The following CNRIP1 variants were observed in gnomAD, a reference collection of about 807,000 sequenced individuals.
CNRIP1 encodes cannabinoid receptor interacting protein 1, also known as CB1 cannabinoid receptor-interacting protein 1.
A neutral mutation model predicts 15.2 loss-of-function variants in CNRIP1; 10 were observed. The observed-to-expected ratio is 0.66, with a 90% CI of 0.41 to 1.12. CNRIP1 has a LOEUF of 1.12. Ranked by LOEUF, CNRIP1 falls within the 50% of genes most tolerant of loss-of-function variation. The probability of loss-of-function intolerance (pLI) is 0.00; values close to 1 mark genes in which losing one functional copy is unlikely to be tolerated. For synonymous variants in CNRIP1, 91 were observed against 83.2 expected (o/e 1.09, Z -0.51); for missense variants, 211 against 214.7 (o/e 0.98, Z 0.11).
rs1244183798 is a variant in CNRIP1, at chr2:68,317,017, T to C, written c.330+140A>G. ...AAGTAGTTCTCTCTCCAGCAGATGC[T>C]TGAAGGAAATCCACAACTCAATTTC... On this transcript the variant is annotated intron_variant, in intron 2 of 2. Transcript: ENST00000263655. 9.0e-5 allele frequency: 94 copies of C among 1,041,488 alleles called. 1 individual carries two copies. In the Admixed American group the frequency reaches 1.6e-3, roughly 18 times the overall value. The allele number at this position is 1,041,488 out of a possible 1,614,324, so 64.5% of individuals were successfully genotyped here. A position where few individuals can be genotyped will look rare whatever the true frequency, so the allele number is the denominator to read the frequency against.
At chr2:68,305,312 G>GTGTGTA (rs1285507186) in intron 2 of CNRIP1, among the ~76,000 whole-genome samples, 5 of 129,096 alleles carry the variant, frequency 3.9e-5, no homozygotes, top group African/African-American at 1.5e-4. Context: ...GTGTGTGTGT[G>GTGTGTA]TACATATAAA....
intron 2 of CNRIP1, among the ~76,000 whole-genome samples, chr2:68,308,204 AC>A (rs1292678735): frequency 2.0e-5 from 3 of 151,438 alleles, no homozygotes; most frequent in African/African-American, 7.3e-5. Flanking sequence ...TATTAAAAAA[AC>A]AAAACAAAAC....
intron 2 of CNRIP1, among the ~76,000 whole-genome samples, chr2:68,311,101 G>C (rs920310065): frequency 3.9e-5 from 6 of 152,004 alleles, no homozygotes; most frequent in Admixed American, 6.5e-5. Flanking sequence ...AGAAAGGAGA[G>C]AATGAAGTAT....
Position 68,319,476 on chromosome 2 carries a change from G to T in CNRIP1, c.-76C>A. ...GGCTGCGGCCGAGTGGCTGGAGCGC[G>T]AGGGGCGGAGAGGAAGCGCGGGGAG... On this transcript the variant is annotated 5_prime_UTR_variant, in exon 1 of 3. Coordinates refer to ENST00000263655, the MANE Select transcript of CNRIP1 (RefSeq NM_015463.3). 2.9e-6 allele frequency: 4 copies of T among 1,375,354 alleles called. No individual in the cohort carries two copies. Among genetic ancestry groups the T allele is most frequent in the South Asian group, 1.5e-5 (1 of 66,806 alleles). 85.2% of individuals were successfully genotyped at this position (1,375,354 alleles called of 1,614,324 possible).
At chr2:68,301,113 C>T (rs1216061293) in intron 2 of CNRIP1, among the ~76,000 whole-genome samples, 3 of 152,182 alleles carry the variant, frequency 2.0e-5, no homozygotes, top group Non-Finnish European at 4.4e-5. Flanking sequence ...ACAGATTCCT[C>T]ATGGGCATAT....
chr2:68,317,914 T>C (rs377353395), intron 1 of CNRIP1, among the ~76,000 whole-genome samples: 12 of 152,088 alleles, frequency 7.9e-5, no homozygotes, highest in African/African-American at 2.9e-4. Context: ...AGGATTAGAG[T>C]TGAGAAATCC....
At position 68,317,260 on chromosome 2, in the gene CNRIP1, T is replaced by G; in HGVS notation, c.227A>C (p.Lys76Thr). The part of the protein sequence containing the change: ...GVLVPLELKS[K>T]EPDGDRVVYT... ...AACAACTCTGTCCCCATCAGGCTCT[T>G]TAGACTTCAGTTCCAGTGGGACAAG... The change falls in exon 2 of 3, where the codon AAA becomes ACA. Residue 76 changes from lysine to threonine, a missense_variant. Transcript: ENST00000263655. 2 of 1,614,176 alleles carry G rather than the reference T, an allele frequency of 1.2e-6. No homozygotes were observed. Among genetic ancestry groups the G allele is most frequent in the Non-Finnish European group, 1.7e-6 (2 of 1,180,016 alleles).
Position 68,293,105 on chromosome 2 carries a change from A to G in CNRIP1, c.*757T>C, listed in dbSNP as rs1465307971. 4 of 985,364 alleles carry G rather than the reference A, an allele frequency of 4.1e-6. No homozygotes were observed. Among genetic ancestry groups the G allele is most frequent in the Non-Finnish European group, 4.8e-6 (4 of 829,950 alleles). The allele number at this position is 985,364 out of a possible 1,614,324, so 61.0% of individuals were successfully genotyped here. Reference sequence around the variant, plus strand: ...AAGTGAAGAAGACTGTAGGGATGCCATCAATGTGCGTGTCTGAAGACTATG... The same window carrying G: ...AAGTGAAGAAGACTGTAGGGATGCCGTCAATGTGCGTGTCTGAAGACTATG... On this transcript the variant is annotated 3_prime_UTR_variant, in exon 3 of 3. Transcript: ENST00000263655.
chr2:68,288,138 C>T (rs919837189), downstream of CNRIP1, among the ~76,000 whole-genome samples: 1 of 151,972 alleles, frequency 6.6e-6, no homozygotes, highest in Non-Finnish European at 1.5e-5. Flanking sequence ...AGCTCATTTT[C>T]CCTGAGTCAG....
chr2:68,318,022 A>G lies in CNRIP1; in HGVS notation c.180-715T>C, dbSNP rs543900911. Among the ~76,000 whole-genome samples, 28 of 152,252 alleles carry G rather than the reference A, an allele frequency of 1.8e-4. No individual in the cohort carries two copies. In the East Asian group the frequency reaches 4.8e-3, roughly 26 times the overall value. On this transcript the variant is annotated intron_variant, in intron 1 of 2. Transcript: ENST00000263655. ...ACTAGAGGAATACTCTAAAAAAAAA[A>G]AAAAGAAATATATTAACAGATAACT... is the stretch of plus-strand genomic sequence containing the variant.
At chr2:68,284,287 T>C (rs1326973642) in exon 3 of CNRIP1, 2 of 533,260 alleles carry the variant, frequency 3.8e-6, no homozygotes, top group Non-Finnish European at 6.4e-6. Flanking sequence ...AAAGGTAGAG[T>C]TTAGGAATCT....
chr2:68,302,937 C>T (rs1029439003), intron 2 of CNRIP1, among the ~76,000 whole-genome samples: 1 of 148,582 alleles, frequency 6.7e-6, no homozygotes, highest in Non-Finnish European at 1.5e-5. Flanking sequence ...GGCTCCGCCC[C>T]CCGGGGTTCA....
rs772428324 is a variant in CNRIP1, at chr2:68,285,656, CAAA to C, written c.331-1175_331-1173del. Among the ~76,000 whole-genome samples, 8 of 103,896 alleles carry C rather than the reference CAAA, an allele frequency of 7.7e-5. No homozygotes were observed. In the East Asian group the frequency reaches 1.3e-3, roughly 17 times the overall value. 68.2% of individuals were successfully genotyped at this position (103,896 alleles called of 152,430 possible). On this transcript the variant is annotated intron_variant, in intron 2 of 2. Transcript: ENST00000409559. ...GCTGTTACAGAGCAAGACCCTGTCT[CAAA>C]AAAAAAAAAAAAAGAAAAGAAAAGA...
Position 68,293,750 on chromosome 2 carries a change from G to C in CNRIP1, c.*112C>G, listed in dbSNP as rs767563699. Reference sequence around the variant, plus strand: ...AATAACCAGGGCTAGTAGGTCATTAGTACCAGATGGGGAACAGCAATGGTG... The same window carrying C: ...AATAACCAGGGCTAGTAGGTCATTACTACCAGATGGGGAACAGCAATGGTG... On this transcript the variant is annotated 3_prime_UTR_variant, in exon 3 of 3. Transcript: ENST00000263655. 6.6e-7 allele frequency: 1 copy of C among 1,508,490 alleles called. No individual in the cohort carries two copies. The highest frequency in any genetic ancestry group is 8.9e-7 in the Non-Finnish European group (1 of 1,127,570). 93.4% of individuals were successfully genotyped at this position (1,508,490 alleles called of 1,614,324 possible). A position where few individuals can be genotyped will look rare whatever the true frequency, so the allele number is the denominator to read the frequency against.
In CNRIP1 at chr2:68,293,435, C is replaced by T. The variant is rs1671232717; in HGVS notation, c.*427G>A. ...CTGCAAGTTACATGTTACCATATTA[C>T]ACATGGGAGGACCCATACACATTGT... is the stretch of plus-strand genomic sequence containing the variant. On this transcript the variant is annotated 3_prime_UTR_variant, in exon 3 of 3. Coordinates refer to ENST00000263655, the MANE Select transcript of CNRIP1 (RefSeq NM_015463.3). The T allele has an allele frequency of 4.0e-6, 4 of 988,582 alleles. No homozygotes were observed. The South Asian group carries it at 1.9e-4, about 46-fold the overall frequency. 61.2% of individuals were successfully genotyped at this position (988,582 alleles called of 1,614,324 possible). A position where few individuals can be genotyped will look rare whatever the true frequency, so the allele number is the denominator to read the frequency against.
chr2:68,307,187 G>T (rs1025380914), intron 2 of CNRIP1, among the ~76,000 whole-genome samples: 1 of 152,082 alleles, frequency 6.6e-6, no homozygotes, highest in Admixed American at 6.5e-5. Flanking sequence ...TTATACAATT[G>T]TATATATTGT....
At chr2:68,304,260 G>T (rs1671725426) in intron 2 of CNRIP1, among the ~76,000 whole-genome samples, 1 of 151,536 alleles carries the variant, frequency 6.6e-6, no homozygotes, top group South Asian at 2.1e-4. Context: ...AATTAGATGG[G>T]TGTGTTGGTG....
Position 68,293,811 on chromosome 2 carries a change from T to G in CNRIP1, c.*51A>C. ...TGTTTAAGGCCTGCGCTGGTTTATC[T>G]AAAAGTAGATTTCTGAAAAGATTGT... is the stretch of plus-strand genomic sequence containing the variant. On this transcript the variant is annotated 3_prime_UTR_variant, in exon 3 of 3. Coordinates refer to ENST00000263655, the MANE Select transcript of CNRIP1 (RefSeq NM_015463.3). The G allele has an allele frequency of 1.3e-6, 2 of 1,595,536 alleles. No individual in the cohort carries two copies. Among genetic ancestry groups the G allele is most frequent in the Admixed American group, 1.7e-5 (1 of 58,536 alleles).
chr2:68,290,861 C>T (rs529325334), downstream of CNRIP1, among the ~76,000 whole-genome samples: 3 of 152,328 alleles, frequency 2.0e-5, no homozygotes, highest in South Asian at 6.2e-4. Flanking sequence ...AAACTCAAGG[C>T]ATTTCTATTC....
Sources: allele counts gnomAD v4.1 joint callset (sites outside exome capture counted in the v4.1 genomes callset), GRCh38; gene constraint gnomAD v4.1.1; transcripts MANE v1.5; gene names NCBI Gene and HGNC (gene_info 2026-07-23, HGNC 2026-07-21).